Variants in LHPP observed in about 807,000 individuals in gnomAD.
LHPP encodes the protein phospholysine phosphohistidine inorganic pyrophosphate phosphatase.
A neutral mutation model predicts 30.3 loss-of-function variants in LHPP; 24 were observed. The observed-to-expected ratio is 0.79, with a 90% CI of 0.57 to 1.11. The LOEUF is 1.11. Among genes scored for constraint, LHPP ranks in the 50% most tolerant of loss-of-function variants. LHPP has a pLI of 0.00. For synonymous variants in LHPP, 150 were observed against 157.1 expected (o/e 0.95, Z 0.34); for missense variants, 356 against 367.2 (o/e 0.97, Z 0.25).
intron 5 of LHPP, chr10:124,498,791 C>T (rs1215997216): frequency 2.3e-6 from 1 of 437,062 alleles, no homozygotes; most frequent in Admixed American, 2.7e-5. Context: ...CATCTCAGTG[C>T]CCCCTTAACC....
chr10:124,597,544 C>T (rs949115978), intron 6 of LHPP, among the ~76,000 whole-genome samples: 14 of 152,252 alleles, frequency 9.2e-5, no homozygotes, highest in African/African-American at 1.2e-4. Context: ...GTGACTCCAG[C>T]GCCCCTAGGA....
At chr10:124,610,318 G>GAT (rs1468609265) in intron 6 of LHPP, among the ~76,000 whole-genome samples, 1 of 147,556 alleles carries the variant, frequency 6.8e-6, no homozygotes, top group African/African-American at 2.6e-5. Context: ...GTGCGGGTGT[G>GAT]GGTGCGGGTG....
chr10:124,506,263 A>ACCCCCCCCC (rs539116106), intron 5 of LHPP, among the ~76,000 whole-genome samples: 4 of 86,326 alleles, frequency 4.6e-5, no homozygotes, highest in Non-Finnish European at 6.9e-5. Flanking sequence ...AAAACAACAA[A>ACCCCCCCCC]CCCCCCCCCC....
At chr10:124,486,257 C>T (rs1953320784) in intron 2 of LHPP, among the ~76,000 whole-genome samples, 1 of 152,174 alleles carries the variant, frequency 6.6e-6, no homozygotes, top group Non-Finnish European at 1.5e-5. Context: ...GCACCTTGCC[C>T]AGGTGGTCTT....
At chr10:124,490,489 AG>A (rs1953487680) in intron 3 of LHPP, 1 of 341,156 alleles carries the variant, frequency 2.9e-6, no homozygotes, top group Non-Finnish European at 6.1e-6. Flanking sequence ...TCCGGGTCTT[AG>A]GCAGGTGGAC....
chr10:124,498,564 G>A, intron 5 of LHPP: 1 of 1,149,630 alleles, frequency 8.7e-7, no homozygotes, highest in Admixed American at 2.9e-5. Context: ...CCAAATTTTA[G>A]AAAGGAAAAA....
intron 6 of LHPP, among the ~76,000 whole-genome samples, chr10:124,547,182 C>T (rs1021633273): frequency 1.5e-4 from 23 of 152,198 alleles, no homozygotes; most frequent in Non-Finnish European, 2.1e-4. Flanking sequence ...CCTTGTGCTT[C>T]CTGATGGCTG....
intron 6 of LHPP, among the ~76,000 whole-genome samples, chr10:124,542,794 C>G (rs919044807): frequency 6.6e-6 from 1 of 152,316 alleles, no homozygotes; most frequent in Non-Finnish European, 1.5e-5. Flanking sequence ...CCCCTCTGCC[C>G]TCTCGCCTCC....
intron 6 of LHPP, among the ~76,000 whole-genome samples, chr10:124,586,259 T>TCAC (rs1447099364): frequency 6.6e-6 from 1 of 152,090 alleles, no homozygotes; most frequent in Non-Finnish European, 1.5e-5. Flanking sequence ...CCCTACATTG[T>TCAC]CACCTTTCTG....
At chr10:124,527,146 G>A (rs546738873) in intron 6 of LHPP, among the ~76,000 whole-genome samples, 1 of 152,350 alleles carries the variant, frequency 6.6e-6, no homozygotes, top group Admixed American at 6.5e-5. Context: ...CTGCTGCTCT[G>A]CGGCTCGGGG....
intron 6 of LHPP, among the ~76,000 whole-genome samples, chr10:124,579,799 CG>C (rs1196488097): frequency 6.6e-6 from 1 of 152,068 alleles, no homozygotes; most frequent in Non-Finnish European, 1.5e-5. Context: ...CAGAAGAGCT[CG>C]CTGGAGCAAA....
intron 5 of LHPP, among the ~76,000 whole-genome samples, chr10:124,508,124 T>G (rs1458245136): frequency 6.6e-6 from 1 of 151,952 alleles, no homozygotes; most frequent in Non-Finnish European, 1.5e-5. Context: ...AGGGGGAGGC[T>G]GGTGAGTGGG....
At chr10:124,536,656 G>T (rs1211369513) in intron 6 of LHPP, among the ~76,000 whole-genome samples, 1 of 152,228 alleles carries the variant, frequency 6.6e-6, no homozygotes, top group African/African-American at 2.4e-5. Flanking sequence ...GGGCAGGGCT[G>T]CAAGGTTAGA....
At chr10:124,519,376 C>T (rs1954547237) in intron 6 of LHPP, among the ~76,000 whole-genome samples, 1 of 152,200 alleles carries the variant, frequency 6.6e-6, no homozygotes, top group South Asian at 2.1e-4. Context: ...TTTGCAGCCT[C>T]CTTTTTCCTT....
intron 6 of LHPP, among the ~76,000 whole-genome samples, chr10:124,563,295 ATCTC>A (rs958039159): frequency 2.2e-5 from 1 of 44,964 alleles, no homozygotes; most frequent in African/African-American, 7.7e-5. Flanking sequence ...AAAAGAAACA[ATCTC>A]TCTCTCTCTT....
intron 5 of LHPP, among the ~76,000 whole-genome samples, chr10:124,499,858 C>T (rs1953849345): frequency 6.6e-6 from 1 of 151,870 alleles, no homozygotes; most frequent in African/African-American, 2.4e-5. Flanking sequence ...AATCTAGACA[C>T]TGCACCTGCA....
At chr10:124,477,473 G>C (rs1367532719) in intron 1 of LHPP, among the ~76,000 whole-genome samples, 1 of 152,158 alleles carries the variant, frequency 6.6e-6, no homozygotes, top group Non-Finnish European at 1.5e-5. Context: ...ATGTGGGGGA[G>C]CGCTGCCCCC....
chr10:124,553,498 G>A (rs375304006), intron 6 of LHPP, among the ~76,000 whole-genome samples: 19 of 115,562 alleles, frequency 1.6e-4, no homozygotes, highest in African/African-American at 6.0e-4. Flanking sequence ...TCGCTCTGTC[G>A]CCCAGGCTGG....
chr10:124,507,655 A>G (rs374207802), intron 5 of LHPP, among the ~76,000 whole-genome samples: 56 of 11,796 alleles, frequency 4.7e-3, no homozygotes, highest in Admixed American at 9.7e-3. Flanking sequence ...AGGTGGGGGG[A>G]TAGGGAGTAT....
Sources: gnomAD v4.1 joint callset for allele counts (sites outside exome capture counted in the v4.1 genomes callset) on GRCh38, gnomAD v4.1.1 for gene constraint, MANE v1.5 for transcripts, NCBI Gene and HGNC (gene_info 2026-07-23, HGNC 2026-07-21) for gene names.